The following LRP1B variants were observed in gnomAD, a reference collection of about 807,000 sequenced individuals.
LRP1B encodes the protein low-density lipoprotein receptor-related protein 1B.
A neutral mutation model predicts 556.6 loss-of-function variants in LRP1B; 217 were observed. The observed-to-expected ratio is 0.39, with a 90% CI of 0.35 to 0.44. The LOEUF is 0.44. Ranked by LOEUF, LRP1B falls within the 20% of genes least tolerant of loss-of-function variation. The probability of loss-of-function intolerance (pLI) is 1.00; values close to 1 mark genes in which losing one functional copy is unlikely to be tolerated. For missense variants in LRP1B, 5,053 were observed against 5,620.8 expected, an observed-to-expected ratio of 0.90 and a Z score of 3.23; for synonymous variants, 2,047 against 1,865.8, an observed-to-expected ratio of 1.10 and a Z score of -2.50.
intron 7 of LRP1B, among the ~76,000 whole-genome samples, chr2:141,184,777 C>T (rs1019066749): frequency 9.2e-5 from 14 of 151,580 alleles, no homozygotes; most frequent in African/African-American, 3.4e-4. Flanking sequence ...CCCTCCATGC[C>T]CACCGAGCCA....
chr2:140,780,835 A>G (rs1689672158), intron 32 of LRP1B, among the ~76,000 whole-genome samples: 1 of 152,194 alleles, frequency 6.6e-6, no homozygotes, highest in South Asian at 2.1e-4. Context: ...AAACTTAGAA[A>G]AAAATCTTTC....
At chr2:140,389,731 A>G (rs2105206650) in intron 66 of LRP1B, among the ~76,000 whole-genome samples, 1 of 147,352 alleles carries the variant, frequency 6.8e-6, no homozygotes, top group Non-Finnish European at 1.5e-5. Context: ...AGTTATATAT[A>G]TGTATATATA....
rs550533487 is a variant in LRP1B at position 141,005,003 on chromosome 2, G to A, written c.2503+332C>T. On this transcript the variant is annotated intron_variant, in intron 15 of 90. Transcript: ENST00000389484. ...TAAAGTCATTGTAGGCCTATGTTGT[G>A]CGTCAACTTACCATCTATCTAATCA... Among the ~76,000 whole-genome samples, 19 of 152,006 alleles carry A rather than the reference G, an allele frequency of 1.2e-4. No individual in the cohort carries two copies. In the South Asian group the frequency reaches 4.0e-3, roughly 32 times the overall value.
chr2:141,290,038 C>T (rs190029698), intron 3 of LRP1B, among the ~76,000 whole-genome samples: 271 of 152,204 alleles, frequency 1.8e-3, no homozygotes, highest in African/African-American at 6.1e-3. Context: ...AGTTCTCAAA[C>T]TTCACAAGTA....
intron 43 of LRP1B, among the ~76,000 whole-genome samples, chr2:140,546,934 C>G (rs1680363654): frequency 6.6e-6 from 1 of 151,894 alleles, no homozygotes; most frequent in African/African-American, 2.4e-5. Flanking sequence ...GTATTTAGTT[C>G]TGTGTATGTG....
intron 88 of LRP1B, 86 bp from the exon 89 acceptor site, chr2:140,238,382 CTT>C (rs1553479767): frequency 1.5e-6 from 1 of 660,818 alleles, no homozygotes; most frequent in Non-Finnish European, 2.4e-6. Context: ...GATTTACTGA[CTT>C]ATTTTGAAAT....
chr2:140,261,950 T>C lies in LRP1B; in HGVS notation c.13247+8292A>G, dbSNP rs180802932. ...TTTAATACTGGATTTGAAAAGTTTG[T>C]TTTTTAATTATGAGAGGAAATACTT... On this transcript the variant is annotated intron_variant, in intron 86 of 90. Transcript: ENST00000389484. Among the ~76,000 whole-genome samples the C allele has an allele frequency of 2.6e-5, 4 of 152,110 alleles. No homozygotes were observed. In the East Asian group the frequency reaches 7.8e-4, roughly 29 times the overall value.
intron 2 of LRP1B, among the ~76,000 whole-genome samples, chr2:141,713,402 GC>G (rs1692443217): frequency 6.6e-6 from 1 of 152,154 alleles, no homozygotes; most frequent in Admixed American, 6.5e-5. Flanking sequence ...AAATAAACAT[GC>G]ATTTTATCCA....
chr2:140,667,726 A>G (rs1416359953), intron 41 of LRP1B, among the ~76,000 whole-genome samples: 1 of 152,162 alleles, frequency 6.6e-6, no homozygotes, highest in Non-Finnish European at 1.5e-5. Context: ...TCTTTGTCTG[A>G]GTCTCAGAGT....
intron 89 of LRP1B, among the ~76,000 whole-genome samples, chr2:140,237,623 G>A (rs1407233407): frequency 6.6e-6 from 1 of 150,820 alleles, no homozygotes; most frequent in Admixed American, 6.6e-5. Context: ...ATACTGGGAG[G>A]AAGTGGGTAG....
rs117454840 is a variant in LRP1B at position 141,632,409 on chromosome 2, G to A, written c.206-151876C>T. Among the ~76,000 whole-genome samples, 54 of 152,182 alleles carry A rather than the reference G, an allele frequency of 3.5e-4. No individual in the cohort carries two copies. The East Asian group carries it at 9.7e-3, about 27-fold the overall frequency. ...GATGCTAGACAGAGAGTAACAGAAT[G>A]CATTTTAATCTGTCAGTGAAGTATT... On this transcript the variant is annotated intron_variant, in intron 2 of 90. Transcript: ENST00000389484.
At chr2:140,263,138 C>T (rs906493586) in intron 86 of LRP1B, among the ~76,000 whole-genome samples, 1 of 152,074 alleles carries the variant, frequency 6.6e-6, no homozygotes, top group East Asian at 2.0e-4. Flanking sequence ...AGGCTGGGCC[C>T]GAACTCCTGA....
At chr2:141,394,177 C>A (rs550943426) in intron 3 of LRP1B, among the ~76,000 whole-genome samples, 2 of 152,156 alleles carry the variant, frequency 1.3e-5, no homozygotes, top group Non-Finnish European at 2.9e-5. Flanking sequence ...TTGTTAACTG[C>A]ATAATAAGAA....
At chr2:142,124,926 T>C (rs1000496985) in intron 1 of LRP1B, among the ~76,000 whole-genome samples, 2 of 151,736 alleles carry the variant, frequency 1.3e-5, no homozygotes, top group African/African-American at 4.8e-5. Flanking sequence ...TATTATTTAA[T>C]AGTTTTGATT....
chr2:140,616,375 A>T (rs1421412834), intron 41 of LRP1B, among the ~76,000 whole-genome samples: 1 of 151,926 alleles, frequency 6.6e-6, no homozygotes. Context: ...ATGTCCCAAC[A>T]TTCTCAATTT....
chr2:141,536,385 C>A (rs904111273), intron 2 of LRP1B, among the ~76,000 whole-genome samples: 6 of 151,950 alleles, frequency 3.9e-5, no homozygotes, highest in Non-Finnish European at 7.4e-5. Flanking sequence ...ATTGACCCTC[C>A]TTTCTCTCTA....
chr2:141,949,581 G>A (rs1174835145), intron 1 of LRP1B, among the ~76,000 whole-genome samples: 1 of 152,100 alleles, frequency 6.6e-6, no homozygotes, highest in African/African-American at 2.4e-5. Context: ...GTAGAGACAA[G>A]GTTTCACCAT....
intron 3 of LRP1B, among the ~76,000 whole-genome samples, chr2:141,281,738 CA>C (rs1685516006): frequency 6.6e-6 from 1 of 151,788 alleles, no homozygotes; most frequent in Non-Finnish European, 1.5e-5. Flanking sequence ...CTGAGAGGTA[CA>C]AAACTAAAGA....
intron 6 of LRP1B, among the ~76,000 whole-genome samples, chr2:141,207,115 G>A (rs960761478): frequency 6.6e-6 from 1 of 152,106 alleles, no homozygotes; most frequent in African/African-American, 2.4e-5. Flanking sequence ...GTCGTTCTGG[G>A]TGTCATTTCC....
Sources: allele counts gnomAD v4.1 joint callset (sites outside exome capture counted in the v4.1 genomes callset), GRCh38; gene constraint gnomAD v4.1.1; transcripts MANE v1.5; gene names NCBI Gene and HGNC (gene_info 2026-07-23, HGNC 2026-07-21).